WRAP53: variants seen among roughly 807,000 people sequenced by gnomAD.
WRAP53 encodes the protein telomerase Cajal body protein 1.
Under a neutral mutation model 56.6 loss-of-function variants are expected in WRAP53, and 28 were observed. That is an observed-to-expected ratio of 0.50 (90% CI 0.37 to 0.68). The LOEUF is 0.68. Ranked by LOEUF, WRAP53 falls within the 30% of genes least tolerant of loss-of-function variation. The pLI is 0.00. For missense variants in WRAP53, 671 were observed against 715.5 expected (o/e 0.94, Z 0.71); for synonymous variants, 283 against 283.4 (o/e 1.00, Z 0.01).
rs552807362 is a variant in WRAP53 at position 7,702,520 on chromosome 17, G to A, written c.1132G>A (p.Asp378Asn). Reference sequence around the variant, plus strand: ...CATCACCCACCTCTGCTTTCATCCCGATGGCAACCGCTTCTTCTCAGGAGC... The same window carrying A: ...CATCACCCACCTCTGCTTTCATCCCAATGGCAACCGCTTCTTCTCAGGAGC... ...GGITHLCFHP[D>N]GNRFFSGARK... The change falls in exon 8 of 11, where the codon GAT (aspartate) becomes AAT (asparagine). Residue 378 changes from aspartate to asparagine, a missense_variant. By Grantham distance (23) the Asp-to-Asn change is conservative. Transcript: ENST00000396463. This position sits in a 1 kb window ranked among gnomAD's most constrained non-coding sequence, Gnocchi z 5.0. 20 of 1,612,134 alleles carry A rather than the reference G, an allele frequency of 1.2e-5. No individual in the cohort carries two copies. The highest frequency in any genetic ancestry group is 7.7e-5 in the South Asian group (7 of 91,050).
chr17:7,697,323 A>AC (rs1203816298), intron 4 of WRAP53, among the ~76,000 whole-genome samples: 2 of 149,564 alleles, frequency 1.3e-5, no homozygotes, highest in Admixed American at 1.3e-4. Context: ...CTGCCTCCAA[A>AC]AAAAAAAAAA....
In WRAP53 at chr17:7,688,523, G is replaced by T. The variant is rs1478924930; in HGVS notation, c.-40G>T. ...GTCCGCTGTTCGCCTCTCCTCCCGGGAGTCTTCTGCCTACTCCCAGAAGAG... is the reference window on the plus strand; with the variant it reads ...GTCCGCTGTTCGCCTCTCCTCCCGGTAGTCTTCTGCCTACTCCCAGAAGAG... On this transcript the variant is annotated 5_prime_UTR_variant, in exon 1 of 11. Coordinates refer to ENST00000396463, the MANE Select transcript of WRAP53 (RefSeq NM_001143992.2). The T allele has an allele frequency of 4.9e-6, 5 of 1,010,190 alleles. No homozygotes were observed. The highest frequency in any genetic ancestry group is 4.4e-6 in the Non-Finnish European group (3 of 689,576). The allele number at this position is 1,010,190 out of a possible 1,614,324, so 62.6% of individuals were successfully genotyped here.
At chr17:7,699,452 ATATATTTATATATATATATATATT>A (rs1567577173) in intron 4 of WRAP53, among the ~76,000 whole-genome samples, 18 of 51,254 alleles carry the variant, frequency 3.5e-4, no homozygotes, top group African/African-American at 1.4e-3. Flanking sequence ...ATATATATAT[ATATATTTATATATATATATATATT>A]TATATATATA....
At chr17:7,692,770 T>G (rs981203626) in intron 4 of WRAP53, among the ~76,000 whole-genome samples, 1 of 139,306 alleles carries the variant, frequency 7.2e-6, no homozygotes. Context: ...TTTTTTTTTT[T>G]GAGACAGAGT....
chr17:7,699,522 T>TATATATA (rs1567577715), intron 4 of WRAP53, among the ~76,000 whole-genome samples: 145 of 14,062 alleles, frequency 0.01, 19 homozygotes, highest in Non-Finnish European at 0.014. Context: ...ATATATATAT[T>TATATATA]TATATATATA....
upstream of WRAP53, chr17:7,687,665 C>T: frequency 2.5e-6 from 1 of 398,524 alleles, no homozygotes; most frequent in Non-Finnish European, 4.4e-6. Context: ...GGTGCAGAGT[C>T]AGGATTCTCG....
In WRAP53 at chr17:7,700,823, C is replaced by T. The variant is rs746693191; in HGVS notation, c.725C>T (p.Thr242Ile). The T allele has an allele frequency of 1.1e-5, 18 of 1,611,222 alleles. No individual in the cohort carries two copies. The highest frequency in any genetic ancestry group is 1.5e-5 in the Non-Finnish European group (18 of 1,177,534). The change falls in exon 5 of 11, where the codon ACC becomes ATC. Residue 242 changes from threonine to isoleucine, a missense_variant. Physicochemically the swap from Thr to Ile is moderately conservative, Grantham distance 89 (BLOSUM62 -1). Around this residue, in one of 3 missense-constraint regions of WRAP53, gnomAD observed 406 missense variants for 418.5 expected, o/e 0.97. Coordinates refer to ENST00000396463, the MANE Select transcript of WRAP53 (RefSeq NM_001143992.2). The part of the protein sequence containing the change: ...YSLMSSAQPD[T>I]SYVASSSREN... ...CTGATGTCCTCAGCCCAGCCAGACA[C>T]CTCCTAGTAAGTAATGTTTGCCTCC... is the stretch of plus-strand genomic sequence containing the variant.
intron 4 of WRAP53, among the ~76,000 whole-genome samples, chr17:7,694,112 G>A (rs1193913413): frequency 7.2e-5 from 11 of 152,018 alleles, no homozygotes; most frequent in East Asian, 5.8e-4. Context: ...GTGAAACCCC[G>A]TCTCTACTAA....
At chr17:7,696,290 ATTTTTTTTTTTT>A (rs35901058) in intron 4 of WRAP53, among the ~76,000 whole-genome samples, 17 of 79,906 alleles carry the variant, frequency 2.1e-4, no homozygotes, top group Admixed American at 4.9e-4. Flanking sequence ...GGACTCAGAG[ATTTTTTTTTTTT>A]TTTTTTTTTT....
rs1479879997 is a variant in WRAP53, at chr17:7,692,615, C to T, written c.642+2914C>T. On this transcript the variant is annotated intron_variant, in intron 4 of 10. Coordinates refer to ENST00000396463, the MANE Select transcript of WRAP53 (RefSeq NM_001143992.2). ...CAGTCCAGGCAACAGTGTAAGACTC[C>T]GTCTCAAAAAAAAAAAAAAAAAAAA... is the stretch of plus-strand genomic sequence containing the variant. Among the ~76,000 whole-genome samples, 31 of 115,532 alleles carry T rather than the reference C, an allele frequency of 2.7e-4. No homozygotes were observed. The East Asian group carries it at 6.4e-3, about 24-fold the overall frequency. 75.8% of individuals were successfully genotyped at this position (115,532 alleles called of 152,430 possible). A position where few individuals can be genotyped will look rare whatever the true frequency, so the allele number is the denominator to read the frequency against.
At chr17:7,689,810 T>C in intron 4 of WRAP53, 109 bp downstream of exon 4, 1 of 907,774 alleles carries the variant, frequency 1.1e-6, no homozygotes, top group South Asian at 1.5e-5. Flanking sequence ...GGGACTGTTT[T>C]TCAAGACGAG....
chr17:7,689,620 T>G lies in WRAP53; in HGVS notation c.561T>G (p.Asn187Lys). 1 of 1,614,038 alleles carries G rather than the reference T, an allele frequency of 6.2e-7. No individual in the cohort carries two copies. Among genetic ancestry groups the G allele is most frequent in the East Asian group, 2.2e-5 (1 of 44,868 alleles). The change falls in exon 4 of 11, where the codon AAT becomes AAG. Residue 187 changes from asparagine to lysine, a missense_variant. Coordinates refer to ENST00000396463, the MANE Select transcript of WRAP53 (RefSeq NM_001143992.2). ...WAPDGSCILTNSADNILRIYN... is the reference protein window; with the variant it reads ...WAPDGSCILTKSADNILRIYN... ...CTGACGGTTCCTGCATCTTGACCAA[T>G]AGTGCTGATAACATCTTGCGAATTT...
intron 4 of WRAP53, among the ~76,000 whole-genome samples, chr17:7,699,526 A>ATATATATATATT (rs2074246549): frequency 3.2e-5 from 2 of 61,966 alleles, no homozygotes; most frequent in Admixed American, 2.1e-4. Context: ...ATATATTTAT[A>ATATATATATATT]TATATATATA....
chr17:7,693,737 A>G (rs8076771), intron 4 of WRAP53, among the ~76,000 whole-genome samples: 2 of 151,832 alleles, frequency 1.3e-5, no homozygotes, highest in African/African-American at 4.8e-5. Flanking sequence ...TAATAAAATT[A>G]AAAAAAAGTA....
At position 7,703,020 on chromosome 17, in the gene WRAP53, C is replaced by T; in HGVS notation, c.1296C>T (p.Ser432=). The T allele has an allele frequency of 6.2e-7, 1 of 1,614,062 alleles. No individual in the cohort carries two copies. The highest frequency in any genetic ancestry group is 8.5e-7 in the Non-Finnish European group (1 of 1,180,028). The change falls in exon 10 of 11, where the codon AGC becomes AGT. Residue 432 remains serine (S), a synonymous_variant. Transcript: ENST00000396463. Reference sequence around the variant, plus strand: ...CCGGGCAGTTCCTAGTGAGTGGCAGCACGAGCGGGGCTGTCTCTGTGTGGG... The same window carrying T: ...CCGGGCAGTTCCTAGTGAGTGGCAGTACGAGCGGGGCTGTCTCTGTGTGGG... ...DPTGQFLVSG[S]TSGAVSVWDT...
intron 4 of WRAP53, among the ~76,000 whole-genome samples, chr17:7,697,980 G>T (rs192474802): frequency 5.3e-4 from 81 of 151,750 alleles, no homozygotes; most frequent in South Asian, 2.1e-3. Flanking sequence ...CAGTCCTCCT[G>T]CCTCACTCTC....
upstream of WRAP53, chr17:7,688,301 G>A (rs2040975655): frequency 9.4e-6 from 3 of 320,118 alleles, no homozygotes; most frequent in Admixed American, 1.4e-4. Flanking sequence ...CAGCAGCCAC[G>A]AGGAGCCCTA....
intron 4 of WRAP53, among the ~76,000 whole-genome samples, chr17:7,698,751 C>A (rs188533241): frequency 6.6e-5 from 10 of 152,154 alleles, no homozygotes; most frequent in East Asian, 3.9e-4. Context: ...ATAGCAGGCG[C>A]CTGTAATCGT....
chr17:7,688,516 C>T lies in WRAP53; in HGVS notation c.-47C>T, dbSNP rs530208087. 5.2e-6 allele frequency: 5 copies of T among 964,790 alleles called. No homozygotes were observed. Among genetic ancestry groups the T allele is most frequent in the African/African-American group, 1.6e-5 (1 of 60,886 alleles). The allele number at this position is 964,790 out of a possible 1,614,324, so 59.8% of individuals were successfully genotyped here. On this transcript the variant is annotated 5_prime_UTR_variant, in exon 1 of 11. Coordinates refer to ENST00000396463, the MANE Select transcript of WRAP53 (RefSeq NM_001143992.2). ...AATTGGCGTCCGCTGTTCGCCTCTC[C>T]TCCCGGGAGTCTTCTGCCTACTCCC... is the stretch of plus-strand genomic sequence containing the variant.
Sources: gnomAD v4.1 joint callset for allele counts (sites outside exome capture counted in the v4.1 genomes callset) on GRCh38, gnomAD v4.1.1 for gene constraint, gnomAD v4.1.1 regional missense constraint, Gnocchi (gnomAD v3.1) non-coding constraint, MANE v1.5 for transcripts, NCBI Gene and HGNC (gene_info 2026-07-23, HGNC 2026-07-21) for gene names.